The following ACTN4 variants were observed in gnomAD, a reference collection of about 807,000 sequenced individuals.
ACTN4 encodes actinin alpha 4.
ACTN4 carries 18 observed loss-of-function variants against 114.2 expected under a neutral mutation model. That is an observed-to-expected ratio of 0.16 (90% CI 0.11 to 0.23). The LOEUF (loss-of-function observed/expected upper bound fraction) is 0.23. ACTN4 is among the 10% of genes least tolerant of loss of function. ACTN4 has a pLI of 1.00. For missense variants in ACTN4, 722 were observed against 1,262.9 expected, an observed-to-expected ratio of 0.57 and a Z score of 6.49; for synonymous variants, 515 against 506.3, an observed-to-expected ratio of 1.02 and a Z score of -0.23.
intron 19 of ACTN4, among the ~76,000 whole-genome samples, chr19:38,728,776 C>T (rs1256055966): frequency 4.6e-5 from 7 of 152,224 alleles, no homozygotes; most frequent in Non-Finnish European, 8.8e-5. Flanking sequence ...CCCTGCTTCC[C>T]GGCCTGGGGC....
intron 17 of ACTN4, among the ~76,000 whole-genome samples, chr19:38,726,540 A>G (rs1291628543): frequency 6.6e-6 from 1 of 152,160 alleles, no homozygotes; most frequent in Admixed American, 6.6e-5. Context: ...GGACATTACA[A>G]GCTGGTCGCC....
In ACTN4 at chr19:38,731,077, C is replaced by T. The variant is rs773294799; in HGVS notation, c.*1645C>T. The stretch of plus-strand genomic sequence containing the variant: ...CACCAGTCCCCGTACCCCTTCCCCC[C>T]ATGCCCCACCATGCCGGGGTGGTAC... On this transcript the variant is annotated 3_prime_UTR_variant, in exon 21 of 21. Transcript: ENST00000252699. 49 of 1,093,344 alleles carry T rather than the reference C, an allele frequency of 4.5e-5. No individual in the cohort carries two copies. The East Asian group carries it at 9.9e-4, about 22-fold the overall frequency. 67.7% of individuals were successfully genotyped at this position (1,093,344 alleles called of 1,614,324 possible).
At chr19:38,660,258 G>T (rs973719957) in intron 1 of ACTN4, among the ~76,000 whole-genome samples, 10 of 152,156 alleles carry the variant, frequency 6.6e-5, no homozygotes, top group Non-Finnish European at 1.0e-4. Flanking sequence ...ACAGGCTGGT[G>T]GGGGAGACAG....
intron 8 of ACTN4, chr19:38,711,366 G>T: frequency 9.7e-7 from 1 of 1,028,798 alleles, no homozygotes; most frequent in South Asian, 4.0e-5. Flanking sequence ...CAGAAGGTGA[G>T]CTGGGCCAGG....
At position 38,701,068 on chromosome 19, in the gene ACTN4, C is replaced by T. The variant is rs1377064169; in HGVS notation, c.344C>T (p.Ala115Val). Residue 115 changes from alanine to valine, a missense_variant, in exon 3 of 21, where the codon GCG (alanine) becomes GTG (valine). Ala to Val is a moderately conservative substitution (Grantham distance 64). This residue lies in a region of ACTN4 where 127 missense variants were observed against 311.3 expected (regional missense o/e 0.41). Coordinates refer to ENST00000252699, the MANE Select transcript of ACTN4 (RefSeq NM_004924.6). ...RVHKINNVNK[A>V]LDFIASKGVK... ...CACAAAATCAACAATGTGAACAAAGCGCTGGACTTTATTGCCAGCAAAGGC... is the reference window on the plus strand; with the variant it reads ...CACAAAATCAACAATGTGAACAAAGTGCTGGACTTTATTGCCAGCAAAGGC... 2 of 1,614,094 alleles carry T rather than the reference C, an allele frequency of 1.2e-6. No homozygotes were observed. Among genetic ancestry groups the T allele is most frequent in the East Asian group, 2.2e-5 (1 of 44,882 alleles).
At chr19:38,708,346 C>G (rs1402621709) in intron 6 of ACTN4, 151 bp downstream of exon 6, 5 of 832,070 alleles carry the variant, frequency 6.0e-6, no homozygotes, top group Non-Finnish European at 1.0e-5. Context: ...TGTGCAGGCT[C>G]TCCGCAACCC....
At chr19:38,660,255 G>A (rs1241020907) in intron 1 of ACTN4, among the ~76,000 whole-genome samples, 1 of 152,126 alleles carries the variant, frequency 6.6e-6, no homozygotes, top group Non-Finnish European at 1.5e-5. Flanking sequence ...ATCACAGGCT[G>A]GTGGGGGAGA....
chr19:38,679,568 C>CGTGTGCGTGTGTGT, intron 1 of ACTN4, among the ~76,000 whole-genome samples: 1 of 145,524 alleles, frequency 6.9e-6, no homozygotes, highest in African/African-American at 2.5e-5. Flanking sequence ...TTTGGGTGTG[C>CGTGTGCGTGTGTGT]GTGTGTGTGT....
intron 1 of ACTN4, among the ~76,000 whole-genome samples, chr19:38,668,253 G>A (rs1967023520): frequency 6.6e-6 from 1 of 152,216 alleles, no homozygotes; most frequent in Non-Finnish European, 1.5e-5. Context: ...GGAGAGCCAT[G>A]TAAGTTTCCT....
At chr19:38,689,465 G>A (rs1199004788) in intron 1 of ACTN4, among the ~76,000 whole-genome samples, 2 of 152,058 alleles carry the variant, frequency 1.3e-5, no homozygotes, top group South Asian at 2.1e-4. Context: ...CCAGTTTTGC[G>A]GTGGTAGACA....
At chr19:38,714,383 A>G (rs1340641376) in intron 8 of ACTN4, 86 bp from the exon 9 acceptor site, 2 of 1,264,920 alleles carry the variant, frequency 1.6e-6, no homozygotes, top group Admixed American at 1.8e-5. Flanking sequence ...TCCGTGGGCC[A>G]TGGACCAGCT....
At chr19:38,654,493 T>C (rs1599757787) in intron 1 of ACTN4, among the ~76,000 whole-genome samples, 1 of 144,698 alleles carries the variant, frequency 6.9e-6, no homozygotes, top group Non-Finnish European at 1.5e-5. Flanking sequence ...ACCTGGAAGG[T>C]GGAGGTTGCA....
Position 38,731,440 on chromosome 19 carries a change from T to G in ACTN4, c.*2008T>G, listed in dbSNP as rs1057227211. 2 of 590,772 alleles carry G rather than the reference T, an allele frequency of 3.4e-6. No individual in the cohort carries two copies. Among genetic ancestry groups the G allele is most frequent in the Non-Finnish European group, 6.1e-6 (2 of 327,830 alleles). 36.6% of individuals were successfully genotyped at this position (590,772 alleles called of 1,614,324 possible). A position where few individuals can be genotyped will look rare whatever the true frequency, so the allele number is the denominator to read the frequency against. ...CTAAGACAGCCCCGACCCCATAGGGTGTGTGAAGACAGAACGCTCAGGACA... is the reference window on the plus strand; with the variant it reads ...CTAAGACAGCCCCGACCCCATAGGGGGTGTGAAGACAGAACGCTCAGGACA... On this transcript the variant is annotated 3_prime_UTR_variant, in exon 21 of 21. Coordinates refer to ENST00000252699, the MANE Select transcript of ACTN4 (RefSeq NM_004924.6).
Position 38,724,690 on chromosome 19 carries a change from C to T in ACTN4, c.2010+125C>T. The T allele has an allele frequency of 6.7e-7, 1 of 1,495,734 alleles. No individual in the cohort carries two copies. The highest frequency in any genetic ancestry group is 1.2e-5 in the South Asian group (1 of 86,948). The allele number at this position is 1,495,734 out of a possible 1,614,324, so 92.7% of individuals were successfully genotyped here. A position where few individuals can be genotyped will look rare whatever the true frequency, so the allele number is the denominator to read the frequency against. ...TGGCAGAGCAGGTCCCAATTCTCAC[C>T]ACCCAGGGGCCGTGATCACCCTGCG... On this transcript the variant is annotated intron_variant, in intron 16 of 20. Transcript: ENST00000252699. The surrounding 1 kb of genome is among the most constrained non-coding windows in gnomAD (Gnocchi z 7.0).
In ACTN4 at chr19:38,727,279, C is replaced by G. The variant is rs1450282701; in HGVS notation, c.2337+176C>G. ...GGTGTAGGTGTGCGGCACCAAGACCCCAGCCTGGGCCACTTCACACGCACA... is the reference window on the plus strand; with the variant it reads ...GGTGTAGGTGTGCGGCACCAAGACCGCAGCCTGGGCCACTTCACACGCACA... On this transcript the variant is annotated intron_variant, in intron 18 of 20. Coordinates refer to ENST00000252699, the MANE Select transcript of ACTN4 (RefSeq NM_004924.6). This position sits in a 1 kb window ranked among gnomAD's most constrained non-coding sequence, Gnocchi z 5.4. Among the ~76,000 whole-genome samples the G allele has an allele frequency of 6.6e-6, 1 of 152,158 alleles. No individual in the cohort carries two copies. Among genetic ancestry groups the G allele is most frequent in the African/African-American group, 2.4e-5 (1 of 41,442 alleles).
intron 8 of ACTN4, chr19:38,711,431 G>T (rs899199): frequency 1.2e-5 from 9 of 776,720 alleles, no homozygotes; most frequent in Admixed American, 6.1e-5. Flanking sequence ...TTGCATCACC[G>T]CTGGCCATCT....
intron 1 of ACTN4, among the ~76,000 whole-genome samples, chr19:38,655,299 C>T (rs898459011): frequency 1.3e-5 from 2 of 152,030 alleles, no homozygotes; most frequent in Non-Finnish European, 2.9e-5. Flanking sequence ...GGGCTGAAGG[C>T]CCCCCAGGCT....
chr19:38,670,921 TA>T (rs543111965), intron 1 of ACTN4, among the ~76,000 whole-genome samples: 1,356 of 123,914 alleles, frequency 0.011, 7 homozygotes, highest in African/African-American at 0.019. Flanking sequence ...TACTCCAACT[TA>T]AAAAAAAAAA....
Position 38,691,415 on chromosome 19 carries a change from CA to C in ACTN4, c.163-9177del, listed in dbSNP as rs889715204. Among the ~76,000 whole-genome samples the C allele has an allele frequency of 5.7e-4, 41 of 71,880 alleles. 1 individual carries two copies. The highest frequency in any genetic ancestry group is 2.8e-3 in the Admixed American group (21 of 7,486). 47.2% of individuals were successfully genotyped at this position (71,880 alleles called of 152,430 possible). ...AAACTCCGTCTCAAAAAAAAAAAAA[CA>C]AAAAAAACAAAAAAAAAAACCCAAC... On this transcript the variant is annotated intron_variant, in intron 1 of 20. Transcript: ENST00000252699.
Sources: allele counts gnomAD v4.1 joint callset (sites outside exome capture counted in the v4.1 genomes callset), GRCh38; gene constraint gnomAD v4.1.1; regional missense constraint gnomAD v4.1.1; non-coding constraint Gnocchi (gnomAD v3.1); transcripts MANE v1.5; gene names NCBI Gene and HGNC (gene_info 2026-07-23, HGNC 2026-07-21).